TMEM131: variants seen among roughly 807,000 people sequenced by gnomAD.
TMEM131 encodes the protein 2610524E03Rik.
Under a neutral mutation model 211.6 loss-of-function variants are expected in TMEM131, and 66 were observed. The observed-to-expected ratio is 0.31, with a 90% CI of 0.26 to 0.38. The LOEUF (loss-of-function observed/expected upper bound fraction) is 0.38, where lower values mean the gene tolerates loss of function less well. TMEM131 is among the 10% of genes least tolerant of loss of function. The probability of loss-of-function intolerance (pLI) is 1.00; values close to 1 mark genes in which losing one functional copy is unlikely to be tolerated. For synonymous variants in TMEM131, 844 were observed against 841.3 expected (o/e 1.00, Z -0.06); for missense variants, 2,036 against 2,299.3 (o/e 0.89, Z 2.34).
chr2:97,761,512 G>A (rs934876558), intron 36 of TMEM131: 2 of 158,450 alleles, frequency 1.3e-5, no homozygotes, highest in Admixed American at 1.2e-4. Context: ...GTGAGGCTCC[G>A]TGCCTCGGAG....
At chr2:97,898,077 G>C (rs953181038) in intron 3 of TMEM131, among the ~76,000 whole-genome samples, 4 of 151,366 alleles carry the variant, frequency 2.6e-5, no homozygotes, top group African/African-American at 9.7e-5. Flanking sequence ...GATTTTTTTT[G>C]TCTGCCTTTC....
rs1403740674 is a variant in TMEM131, at chr2:97,995,615, G to C, written c.48C>G (p.Ala16=). The C allele has an allele frequency of 3.2e-6, 4 of 1,238,784 alleles. No homozygotes were observed. The highest frequency in any genetic ancestry group is 4.0e-6 in the Non-Finnish European group (4 of 991,314). 76.7% of individuals were successfully genotyped at this position (1,238,784 alleles called of 1,614,324 possible). The change falls in exon 1 of 41, where the codon GCC becomes GCG. Residue 16 remains alanine, a synonymous_variant. Coordinates refer to ENST00000186436, the MANE Select transcript of TMEM131 (RefSeq NM_015348.2). ...GGGATGATTA[A]VSTSAGAGLE... ...GCCCGGCCCCGGCGGACGTGGAGAC[G>C]GCGGCGGTGGTGGCTCCGGTTGCTC...
In TMEM131 at chr2:97,818,708, G is replaced by A; in HGVS notation, c.1088C>T (p.Thr363Ile). 3 of 1,602,288 alleles carry A rather than the reference G, an allele frequency of 1.9e-6. No individual in the cohort carries two copies. The highest frequency in any genetic ancestry group is 2.6e-6 in the Non-Finnish European group (3 of 1,172,782). Residue 363 changes from threonine to isoleucine, a missense_variant, in exon 12 of 41, where the codon ACA becomes ATA. Physicochemically the swap from Thr to Ile is moderately conservative, Grantham distance 89. Coordinates refer to ENST00000186436, the MANE Select transcript of TMEM131 (RefSeq NM_015348.2). The stretch of plus-strand genomic sequence containing the variant: ...TACCGTTATAGCATCATTTTGTGGT[G>A]TAGGTCGAACACTCTGCAAAGAGAA... ...KDVPITSVRP[T>I]PQNDAITVHF...
chr2:97,947,588 T>C (rs1479078280), intron 1 of TMEM131, among the ~76,000 whole-genome samples: 2 of 152,096 alleles, frequency 1.3e-5, no homozygotes, highest in Non-Finnish European at 2.9e-5. Flanking sequence ...ATATACCATG[T>C]TCATGCATCA....
intron 31 of TMEM131, among the ~76,000 whole-genome samples, chr2:97,790,393 G>A (rs982567640): frequency 2.0e-5 from 3 of 152,178 alleles, no homozygotes; most frequent in Admixed American, 6.5e-5. Context: ...GAGTAGCCGC[G>A]CCTGCAAAGC....
chr2:97,765,904 A>G (rs1269106751), intron 35 of TMEM131, among the ~76,000 whole-genome samples: 4 of 152,102 alleles, frequency 2.6e-5, no homozygotes. Flanking sequence ...GAATTGTTGA[A>G]TGAGTCCCCT....
At chr2:97,928,310 G>A (rs1177241213) in intron 1 of TMEM131, among the ~76,000 whole-genome samples, 1 of 152,102 alleles carries the variant, frequency 6.6e-6, no homozygotes, top group Non-Finnish European at 1.5e-5. Flanking sequence ...ATCAGTGGTT[G>A]CTAGGAGATC....
intron 11 of TMEM131, among the ~76,000 whole-genome samples, chr2:97,832,760 T>C (rs538509391): frequency 6.6e-6 from 1 of 152,194 alleles, no homozygotes; most frequent in African/African-American, 2.4e-5. Context: ...AGGCAAAACT[T>C]AGATATCCCT....
intron 3 of TMEM131, among the ~76,000 whole-genome samples, chr2:97,890,654 G>C (rs1172098117): frequency 1.3e-5 from 2 of 152,130 alleles, no homozygotes; most frequent in Admixed American, 6.6e-5. Flanking sequence ...AGTCACCTTG[G>C]TGAGTTTAAT....
At chr2:97,921,686 TAAAGAAC>T (rs1559448948) in intron 2 of TMEM131, among the ~76,000 whole-genome samples, 2 of 152,026 alleles carry the variant, frequency 1.3e-5, no homozygotes, top group Non-Finnish European at 2.9e-5. Flanking sequence ...TCAGAACTTA[TAAAGAAC>T]CTCTACAAAA....
intron 2 of TMEM131, chr2:97,913,059 C>T (rs181446045): frequency 1.1e-4 from 17 of 152,212 alleles, no homozygotes; most frequent in Admixed American, 4.6e-4. Context: ...TCTCTGTGTG[C>T]GGGTTTTTAT....
chr2:97,956,692 T>TA (rs35602733), intron 1 of TMEM131, among the ~76,000 whole-genome samples: 56,667 of 151,676 alleles, frequency 0.37, 11,660 homozygotes, highest in African/African-American at 0.51. Flanking sequence ...TAAACTAGAT[T>TA]TTTTTTTTAC....
At chr2:97,853,480 C>G (rs2105151354) in intron 5 of TMEM131, among the ~76,000 whole-genome samples, 1 of 150,404 alleles carries the variant, frequency 6.6e-6, no homozygotes, top group Non-Finnish European at 1.5e-5. Context: ...GTGGGACGGG[C>G]CTATAATCCC....
chr2:97,888,233 G>A, intron 3 of TMEM131, 113 bp from the exon 4 acceptor site: 1 of 740,436 alleles, frequency 1.4e-6, no homozygotes, highest in Non-Finnish European at 2.1e-6. Context: ...AGAAAAATTG[G>A]GTCTAACAAT....
chr2:97,966,675 T>C (rs927200503), intron 1 of TMEM131, among the ~76,000 whole-genome samples: 33 of 152,126 alleles, frequency 2.2e-4, no homozygotes, highest in African/African-American at 5.6e-4. Context: ...AAACATAACA[T>C]GAATATGCAA....
At position 97,827,489 on chromosome 2, in the gene TMEM131, C is replaced by A. The variant is rs937846136; in HGVS notation, c.1074+5876G>T. Reference sequence around the variant, plus strand: ...GATTTACCTGCAGAAAATGGGGAAACGAAAACTGAGGAGAGTCCAGCCTCT... The same window carrying A: ...GATTTACCTGCAGAAAATGGGGAAAAGAAAACTGAGGAGAGTCCAGCCTCT... On this transcript the variant is annotated intron_variant, in intron 11 of 40. Transcript: ENST00000186436. 7 of 1,073,136 alleles carry A rather than the reference C, an allele frequency of 6.5e-6. No homozygotes were observed. The Admixed American group carries it at 8.4e-5, about 13-fold the overall frequency. The allele number at this position is 1,073,136 out of a possible 1,614,324, so 66.5% of individuals were successfully genotyped here. A position where few individuals can be genotyped will look rare whatever the true frequency, so the allele number is the denominator to read the frequency against.
chr2:97,851,173 A>G (rs1229499667), intron 5 of TMEM131, among the ~76,000 whole-genome samples: 4 of 151,808 alleles, frequency 2.6e-5, no homozygotes, highest in African/African-American at 7.3e-5. Context: ...TGACTCCTAA[A>G]TTTCTATTTC....
chr2:97,853,334 T>A (rs1018402819), intron 5 of TMEM131, among the ~76,000 whole-genome samples: 1 of 150,830 alleles, frequency 6.6e-6, no homozygotes, highest in African/African-American at 2.4e-5. Flanking sequence ...GTGGCTCAAG[T>A]CTGTAATCCC....
intron 32 of TMEM131, among the ~76,000 whole-genome samples, chr2:97,774,717 GA>G (rs1226990895): frequency 6.6e-6 from 1 of 152,212 alleles, no homozygotes; most frequent in Non-Finnish European, 1.5e-5. Flanking sequence ...GGAAGTGGGA[GA>G]AAGTCGTGCA....
Sources: allele counts gnomAD v4.1 joint callset (sites outside exome capture counted in the v4.1 genomes callset), GRCh38; gene constraint gnomAD v4.1.1; transcripts MANE v1.5; gene names NCBI Gene and HGNC (gene_info 2026-07-23, HGNC 2026-07-21).